Variants in MCC observed in about 807,000 individuals in gnomAD.
MCC encodes the protein colorectal mutant cancer protein.
Under a neutral mutation model 116.2 loss-of-function variants are expected in MCC, and 90 were observed. The observed-to-expected ratio is 0.77, with a 90% CI of 0.65 to 0.92. The LOEUF is 0.92. MCC is among the 40% of genes least tolerant of loss of function. The pLI, the probability that MCC is intolerant of heterozygous loss-of-function variation, is 0.00. For synonymous variants in MCC, 578 were observed against 510.5 expected (o/e 1.13, Z -1.78); for missense variants, 1,516 against 1,312.2 (o/e 1.16, Z -2.40).
chr5:113,201,800 G>C (rs1762691738), intron 3 of MCC, among the ~76,000 whole-genome samples: 1 of 152,082 alleles, frequency 6.6e-6, no homozygotes, highest in Admixed American at 6.5e-5. Flanking sequence ...GTCTTATTCT[G>C]CTAGAGGGCT....
chr5:113,029,051 T>C lies in MCC; in HGVS notation c.2762A>G (p.Lys921Arg). Residue 921 changes from lysine to arginine, a missense_variant, in exon 18 of 19, where the codon AAG becomes AGG. By Grantham distance (26) the Lys-to-Arg change is conservative. Transcript: ENST00000408903. ...AEFTNAIRRE[K>R]KLKARVQELV... is the part of the protein sequence containing the mutation. ...CTCTTGAACTCTGGCCTTCAACTTC[T>C]TTTCTCTATATTAAAGGAGACAAAA... The C allele has an allele frequency of 6.2e-7, 1 of 1,612,718 alleles. No individual in the cohort carries two copies. Among genetic ancestry groups the C allele is most frequent in the Non-Finnish European group, 8.5e-7 (1 of 1,179,394 alleles).
intron 1 of MCC, among the ~76,000 whole-genome samples, chr5:113,410,031 T>C (rs939294563): frequency 1.3e-5 from 2 of 152,252 alleles, no homozygotes; most frequent in African/African-American, 2.4e-5. Context: ...TCTACACTTA[T>C]GTGTGTGGAT....
chr5:113,352,985 T>G (rs967096556), intron 2 of MCC, among the ~76,000 whole-genome samples: 4 of 152,146 alleles, frequency 2.6e-5, no homozygotes, highest in African/African-American at 9.7e-5. Context: ...TGAGCCCTCT[T>G]GTAACATGGC....
At chr5:113,196,854 A>C (rs564291952) in intron 3 of MCC, among the ~76,000 whole-genome samples, 1 of 152,082 alleles carries the variant, frequency 6.6e-6, no homozygotes, top group East Asian at 1.9e-4. Context: ...TCAATCAATC[A>C]ATCTGTGGGC....
At chr5:113,478,901 T>C (rs1002148698) in intron 1 of MCC, among the ~76,000 whole-genome samples, 20 of 152,346 alleles carry the variant, frequency 1.3e-4, no homozygotes, top group African/African-American at 4.1e-4. Context: ...CTATCTCGCA[T>C]AGCTACTGTG....
At chr5:113,268,362 C>T (rs1765491149) in intron 3 of MCC, among the ~76,000 whole-genome samples, 1 of 152,188 alleles carries the variant, frequency 6.6e-6, no homozygotes, top group African/African-American at 2.4e-5. Flanking sequence ...CACAGCACCA[C>T]CACTCCTAGA....
chr5:113,413,455 T>C (rs1196458411), intron 1 of MCC, among the ~76,000 whole-genome samples: 3 of 152,210 alleles, frequency 2.0e-5, no homozygotes, highest in Non-Finnish European at 4.4e-5. Context: ...CAGAGCCTGT[T>C]ATTGGTCTCT....
At position 113,488,429 on chromosome 5, in the gene MCC, C is replaced by T. The variant is rs766316233; in HGVS notation, c.-15G>A. On this transcript the variant is annotated 5_prime_UTR_variant, in exon 1 of 19. Transcript: ENST00000408903. ...GCCGCCATCATGCGCCCGCTCCCTACTTGGGAGGAGGAGTACGCGCGACCG... is the reference window on the plus strand; with the variant it reads ...GCCGCCATCATGCGCCCGCTCCCTATTTGGGAGGAGGAGTACGCGCGACCG... 7.3e-5 allele frequency: 102 copies of T among 1,403,742 alleles called. No homozygotes were observed. The African/African-American group carries it at 1.3e-3, about 18-fold the overall frequency. The allele number at this position is 1,403,742 out of a possible 1,614,324, so 87.0% of individuals were successfully genotyped here.
Position 113,048,227 on chromosome 5 carries a change from G to A in MCC, c.2655+866C>T, listed in dbSNP as rs142179080. Among the ~76,000 whole-genome samples, 538 of 152,292 alleles carry A rather than the reference G, an allele frequency of 3.5e-3. 3 individuals are homozygous for A. Among genetic ancestry groups the A allele is most frequent in the African/African-American group, 0.012 (510 of 41,552 alleles). On this transcript the variant is annotated intron_variant, in intron 16 of 18. Coordinates refer to ENST00000408903, the MANE Select transcript of MCC (RefSeq NM_001085377.2). ...GAAGTACTGTAGCTCCCCCTTAACT[G>A]CAGTTTTGCTTTCTGTGGTTTCGGT...
At chr5:113,085,461 T>C in intron 8 of MCC, 151 bp from the exon 9 acceptor site, 2 of 640,276 alleles carry the variant, frequency 3.1e-6, no homozygotes, top group Non-Finnish European at 5.2e-6. Context: ...AGTCATTATA[T>C]TCCTTTTTTC....
At position 113,087,606 on chromosome 5, in the gene MCC, C is replaced by T. The variant is rs146673521; in HGVS notation, c.1399-2296G>A. Among the ~76,000 whole-genome samples the T allele has an allele frequency of 5.8e-3, 881 of 152,162 alleles. 16 individuals carry two copies. Among genetic ancestry groups the T allele is most frequent in the African/African-American group, 0.02 (839 of 41,494 alleles). The stretch of plus-strand genomic sequence containing the variant: ...CCTCCCGGTGGAGACTTGCAACCTC[C>T]GGTGAATTCAACCTCCCGGTGAATT... On this transcript the variant is annotated intron_variant, in intron 8 of 18. Coordinates refer to ENST00000408903, the MANE Select transcript of MCC (RefSeq NM_001085377.2).
chr5:113,334,255 T>G (rs1235767835), intron 3 of MCC, among the ~76,000 whole-genome samples: 1 of 150,696 alleles, frequency 6.6e-6, no homozygotes, highest in Non-Finnish European at 1.5e-5. Flanking sequence ...TTGCCCAGGC[T>G]GGAATGCAGT....
At chr5:113,066,438 T>A (rs1038531368) in intron 13 of MCC, among the ~76,000 whole-genome samples, 1 of 152,182 alleles carries the variant, frequency 6.6e-6, no homozygotes, top group Non-Finnish European at 1.5e-5. Context: ...AGGTTTCTAA[T>A]GGAAATGCTG....
intron 1 of MCC, among the ~76,000 whole-genome samples, chr5:113,457,874 C>T (rs1771620080): frequency 6.6e-6 from 1 of 151,768 alleles, no homozygotes; most frequent in Non-Finnish European, 1.5e-5. Context: ...CAATCAGCAC[C>T]CTGTGTCTAG....
At position 113,026,232 on chromosome 5, in the gene MCC, T is replaced by C. The variant is rs56023848; in HGVS notation, c.*1070A>G. On this transcript the variant is annotated 3_prime_UTR_variant, in exon 19 of 19. Coordinates refer to ENST00000408903, the MANE Select transcript of MCC (RefSeq NM_001085377.2). ...CCTTAACTACCATTCCCTCACTCTG[T>C]CCCCGTCATGACAACAGGAGCTAAG... 3,410 of 152,300 alleles carry C rather than the reference T, an allele frequency of 0.022. 48 individuals carry two copies. Among genetic ancestry groups the C allele is most frequent in the African/African-American group, 0.031 (1,289 of 41,560 alleles). 9.4% of individuals were successfully genotyped at this position (152,300 alleles called of 1,614,324 possible). A position where few individuals can be genotyped will look rare whatever the true frequency, so the allele number is the denominator to read the frequency against.
intron 1 of MCC, among the ~76,000 whole-genome samples, chr5:113,462,949 T>C (rs1360376748): frequency 1.3e-5 from 2 of 151,898 alleles, no homozygotes; most frequent in Non-Finnish European, 2.9e-5. Flanking sequence ...TCATTACAAA[T>C]GGAGATAAGT....
At chr5:113,188,334 A>C (rs1011138617) in intron 3 of MCC, among the ~76,000 whole-genome samples, 2 of 152,206 alleles carry the variant, frequency 1.3e-5, no homozygotes, top group Admixed American at 1.3e-4. Context: ...GGCAAAAAAG[A>C]TTCTAATTAT....
chr5:113,338,105 T>A (rs1767914529), intron 3 of MCC, among the ~76,000 whole-genome samples: 2 of 152,190 alleles, frequency 1.3e-5, no homozygotes, highest in Non-Finnish European at 2.9e-5. Flanking sequence ...AAAATGGGTC[T>A]GTGAATTCAA....
chr5:113,201,214 C>T (rs1445702308), intron 3 of MCC, among the ~76,000 whole-genome samples: 2 of 151,930 alleles, frequency 1.3e-5, no homozygotes, highest in Non-Finnish European at 2.9e-5. Flanking sequence ...GGAGAAACCC[C>T]ATCTCTACTA....
Sources: gnomAD v4.1 joint callset for allele counts (sites outside exome capture counted in the v4.1 genomes callset) on GRCh38, gnomAD v4.1.1 for gene constraint, MANE v1.5 for transcripts, NCBI Gene and HGNC (gene_info 2026-07-23, HGNC 2026-07-21) for gene names.